Variants in RBFOX1 observed in about 807,000 individuals in gnomAD.
RBFOX1 encodes RNA binding fox-1 homolog 1.
Under a neutral mutation model 57.7 loss-of-function variants are expected in RBFOX1, and 8 were observed. The ratio of observed to expected loss-of-function variants is 0.14; its 90% CI spans 0.08 to 0.25. The LOEUF is 0.25. RBFOX1 is among the 10% of genes least tolerant of loss of function. The probability of loss-of-function intolerance (pLI) is 1.00; values close to 1 mark genes in which losing one functional copy is unlikely to be tolerated. For synonymous variants in RBFOX1, 326 were observed against 222.4 expected, an observed-to-expected ratio of 1.47 and a Z score of -4.15; for missense variants, 611 against 548.5, an observed-to-expected ratio of 1.11 and a Z score of -1.14.
chr16:5,639,692 C>T (rs1020470481), intron 3 of RBFOX1, among the ~76,000 whole-genome samples: 3 of 152,264 alleles, frequency 2.0e-5, no homozygotes, highest in Admixed American at 6.5e-5. Context: ...ACATGCCTAC[C>T]AGGCTGTAGG....
chr16:5,914,700 T>G (rs999180678), intron 4 of RBFOX1, among the ~76,000 whole-genome samples: 6 of 152,016 alleles, frequency 3.9e-5, no homozygotes, highest in Admixed American at 2.0e-4. Flanking sequence ...ATTGAGACCA[T>G]CCTGGCTAAC....
chr16:6,749,438 G>A (rs1411311554), intron 3 of RBFOX1, among the ~76,000 whole-genome samples: 1 of 152,102 alleles, frequency 6.6e-6, no homozygotes, highest in African/African-American at 2.4e-5. Flanking sequence ...GGTCACTCAG[G>A]CAATTTATAC....
intron 6 of RBFOX1, among the ~76,000 whole-genome samples, chr16:7,585,943 G>A (rs6500991): frequency 2.0e-5 from 3 of 151,570 alleles, no homozygotes; most frequent in African/African-American, 4.9e-5. Flanking sequence ...CGCTCTGTCC[G>A]CTGCCACACA....
At chr16:7,525,374 T>A (rs552549648) in intron 5 of RBFOX1, among the ~76,000 whole-genome samples, 1 of 152,320 alleles carries the variant, frequency 6.6e-6, no homozygotes, top group African/African-American at 2.4e-5. Context: ...AATCTTGCAC[T>A]GTTGATATTT....
In RBFOX1 at chr16:7,711,285, A is replaced by G. The variant is rs1203995559; in HGVS notation, c.*540A>G. On this transcript the variant is annotated 3_prime_UTR_variant, in exon 16 of 16. Coordinates refer to ENST00000550418, the MANE Select transcript of RBFOX1 (RefSeq NM_018723.4). ...CGACCCACTGCACCAACAATCATTT[A>G]TCAATGGTTCTAAGTTACTCATTGC... is the stretch of plus-strand genomic sequence containing the variant. 1 of 152,506 alleles carries G rather than the reference A, an allele frequency of 6.6e-6. No individual in the cohort carries two copies. 9.4% of individuals were successfully genotyped at this position (152,506 alleles called of 1,614,324 possible). A position where few individuals can be genotyped will look rare whatever the true frequency, so the allele number is the denominator to read the frequency against.
At chr16:7,463,015 A>G (rs1276136159) in intron 4 of RBFOX1, among the ~76,000 whole-genome samples, 1 of 152,154 alleles carries the variant, frequency 6.6e-6, no homozygotes, top group Non-Finnish European at 1.5e-5. Flanking sequence ...GGGCTGCCAT[A>G]ACTAAATGCC....
At chr16:6,909,891 C>G (rs896525410) in intron 3 of RBFOX1, among the ~76,000 whole-genome samples, 4 of 152,096 alleles carry the variant, frequency 2.6e-5, no homozygotes, top group African/African-American at 9.7e-5. Flanking sequence ...ATATCGGTTC[C>G]TTTGCTAATT....
At chr16:7,033,257 C>T (rs745527932) in intron 3 of RBFOX1, among the ~76,000 whole-genome samples, 15 of 152,174 alleles carry the variant, frequency 9.9e-5, no homozygotes, top group African/African-American at 1.4e-4. Flanking sequence ...CAGTGGGTCA[C>T]GCCTGTAATC....
At chr16:5,355,409 C>A (rs2065363108) in intron 1 of RBFOX1, among the ~76,000 whole-genome samples, 1 of 152,152 alleles carries the variant, frequency 6.6e-6, no homozygotes, top group African/African-American at 2.4e-5. Context: ...ATCGTGAAGC[C>A]TGAGGACAAG....
chr16:6,578,404 TG>T (rs1282892754), intron 2 of RBFOX1, among the ~76,000 whole-genome samples: 1 of 152,172 alleles, frequency 6.6e-6, no homozygotes. Context: ...GGATGGACGG[TG>T]TTCTCATCCA....
intron 2 of RBFOX1, among the ~76,000 whole-genome samples, chr16:6,338,049 C>T (rs927119896): frequency 3.3e-5 from 5 of 152,150 alleles, no homozygotes; most frequent in Non-Finnish European, 5.9e-5. Context: ...CAATTTTATC[C>T]AGATGGTTTT....
intron 4 of RBFOX1, among the ~76,000 whole-genome samples, chr16:7,328,149 G>A (rs2096636390): frequency 6.6e-6 from 1 of 152,098 alleles, no homozygotes; most frequent in Non-Finnish European, 1.5e-5. Context: ...AGACTCAGGT[G>A]TGCACCACTG....
chr16:5,644,337 A>T (rs542213325), intron 3 of RBFOX1, among the ~76,000 whole-genome samples: 1 of 152,356 alleles, frequency 6.6e-6, no homozygotes, highest in Non-Finnish European at 1.5e-5. Flanking sequence ...TGATAAGGGC[A>T]TAGTAACAGC....
At chr16:6,388,350 C>T (rs1022598455) in intron 2 of RBFOX1, among the ~76,000 whole-genome samples, 19 of 151,786 alleles carry the variant, frequency 1.3e-4, no homozygotes, top group South Asian at 4.2e-4. Context: ...CCATGTGGAG[C>T]GTAGGAATGA....
intron 3 of RBFOX1, among the ~76,000 whole-genome samples, chr16:6,870,860 A>G (rs1464081900): frequency 2.6e-5 from 4 of 152,192 alleles, no homozygotes; most frequent in Admixed American, 2.0e-4. Context: ...GTCACTAATA[A>G]AAGGCCCTAA....
chr16:7,225,314 C>T (rs1043732942), intron 4 of RBFOX1, among the ~76,000 whole-genome samples: 1 of 151,890 alleles, frequency 6.6e-6, no homozygotes, highest in Non-Finnish European at 1.5e-5. Context: ...GGGAGATAGC[C>T]GAATCATGGG....
intron 4 of RBFOX1, among the ~76,000 whole-genome samples, chr16:7,280,961 C>T (rs888153390): frequency 3.9e-5 from 4 of 102,338 alleles, no homozygotes; most frequent in African/African-American, 9.1e-5. Context: ...ACCTACCTCC[C>T]TCCCTCCCTC....
At chr16:7,660,286 CG>C (rs1396342981) in intron 12 of RBFOX1, among the ~76,000 whole-genome samples, 1 of 152,110 alleles carries the variant, frequency 6.6e-6, no homozygotes, top group Non-Finnish European at 1.5e-5. Context: ...CATTGAGTCC[CG>C]ATGTGATTGA....
intron 2 of RBFOX1, among the ~76,000 whole-genome samples, chr16:5,520,351 C>T (rs1324725894): frequency 6.6e-6 from 1 of 152,296 alleles, no homozygotes; most frequent in Admixed American, 6.5e-5. Context: ...GAAATTTATT[C>T]TTTTACCTAA....
Sources: gnomAD v4.1 joint callset for allele counts (sites outside exome capture counted in the v4.1 genomes callset) on GRCh38, gnomAD v4.1.1 for gene constraint, MANE v1.5 for transcripts, NCBI Gene and HGNC (gene_info 2026-07-23, HGNC 2026-07-21) for gene names.